Variants in GRIK2 observed in about 807,000 individuals in gnomAD.
The protein encoded by GRIK2 is glutamate receptor ionotropic, kainate 2.
GRIK2 carries 32 observed loss-of-function variants against 100.3 expected under a neutral mutation model. That is an observed-to-expected ratio of 0.32 (90% confidence interval 0.24 to 0.43). The LOEUF (loss-of-function observed/expected upper bound fraction) is 0.43. Ranked by LOEUF, GRIK2 falls within the 20% of genes least tolerant of loss-of-function variation. GRIK2 has a pLI of 1.00. For synonymous variants in GRIK2, 417 were observed against 389.4 expected (o/e 1.07, Z -0.83); for missense variants, 843 against 1,114.9 (o/e 0.76, Z 3.47).
chr6:101,505,050 A>G (rs1773950621), intron 2 of GRIK2, among the ~76,000 whole-genome samples: 1 of 123,780 alleles, frequency 8.1e-6, no homozygotes, highest in African/African-American at 3.2e-5. Flanking sequence ...CTTGTCATTA[A>G]GTTTTTTTTG....
At chr6:101,446,574 A>G (rs936137747) in intron 2 of GRIK2, among the ~76,000 whole-genome samples, 2 of 151,912 alleles carry the variant, frequency 1.3e-5, no homozygotes, top group East Asian at 3.9e-4. Flanking sequence ...GCTTGATTAC[A>G]TCAGATAGTC....
intron 7 of GRIK2, among the ~76,000 whole-genome samples, chr6:101,696,030 A>G (rs186611816): frequency 1.2e-3 from 180 of 152,170 alleles, no homozygotes; most frequent in Non-Finnish European, 2.0e-3. Flanking sequence ...TAGGGGATCA[A>G]TTGTGTGTAT....
intron 15 of GRIK2, among the ~76,000 whole-genome samples, chr6:102,054,999 G>A (rs1247279904): frequency 6.6e-6 from 1 of 152,158 alleles, no homozygotes; most frequent in African/African-American, 2.4e-5. Context: ...ATAAATTGTA[G>A]ATATGAATGA....
intron 9 of GRIK2, among the ~76,000 whole-genome samples, chr6:101,807,068 A>G (rs1302971359): frequency 1.3e-5 from 2 of 151,982 alleles, no homozygotes; most frequent in Admixed American, 6.6e-5. Flanking sequence ...TCTTTATGGA[A>G]ATTATGAGAT....
chr6:101,653,582 C>T (rs1781920703), intron 4 of GRIK2, among the ~76,000 whole-genome samples: 1 of 152,076 alleles, frequency 6.6e-6, no homozygotes, highest in Non-Finnish European at 1.5e-5. Context: ...CTCCTCTTTG[C>T]TGATTTAACT....
Position 101,928,788 on chromosome 6 carries a change from G to A in GRIK2, c.2085+156G>A, listed in dbSNP as rs552564107. ...GGGGTGGAGAGGTGTACAACTGAAC[G>A]TATGCTCATCAAGACCAATCATTTT... On this transcript the variant is annotated intron_variant, in intron 14 of 16. Coordinates refer to ENST00000369134, the MANE Select transcript of GRIK2 (RefSeq NM_021956.5). Among the ~76,000 whole-genome samples, 9 of 152,232 alleles carry A rather than the reference G, an allele frequency of 5.9e-5. No individual in the cohort carries two copies. In the South Asian group the frequency reaches 1.2e-3, roughly 21 times the overall value.
chr6:102,048,257 T>C (rs1272825235), intron 15 of GRIK2, among the ~76,000 whole-genome samples: 1 of 151,910 alleles, frequency 6.6e-6, no homozygotes, highest in Non-Finnish European at 1.5e-5. Flanking sequence ...GTAGAAGTAC[T>C]AGAAGAAAAC....
chr6:101,868,675 T>C (rs1197911218), intron 11 of GRIK2, among the ~76,000 whole-genome samples: 2 of 151,522 alleles, frequency 1.3e-5, no homozygotes, highest in Admixed American at 6.6e-5. Context: ...AAAAGGAAAA[T>C]CATAGCATGA....
chr6:101,548,975 G>C (rs1034025599), intron 2 of GRIK2, among the ~76,000 whole-genome samples: 10 of 152,030 alleles, frequency 6.6e-5, no homozygotes, highest in Admixed American at 3.9e-4. Flanking sequence ...TTGATCTCTT[G>C]GAAGAGGCCA....
intron 14 of GRIK2, among the ~76,000 whole-genome samples, chr6:101,956,297 G>A (rs1791931569): frequency 6.6e-6 from 1 of 152,022 alleles, no homozygotes; most frequent in Admixed American, 6.6e-5. Flanking sequence ...TCTGCAAAAA[G>A]CCACATGAGA....
chr6:101,778,201 A>G (rs1264866789), intron 7 of GRIK2, among the ~76,000 whole-genome samples: 1 of 152,204 alleles, frequency 6.6e-6, no homozygotes, highest in Admixed American at 6.5e-5. Context: ...AGTTTTATTA[A>G]AACTAGAATG....
chr6:101,496,226 C>A (rs951952604), intron 2 of GRIK2, among the ~76,000 whole-genome samples: 1 of 151,920 alleles, frequency 6.6e-6, no homozygotes, highest in Non-Finnish European at 1.5e-5. Flanking sequence ...GGGTTACAGG[C>A]GTGAGCCACC....
At chr6:101,501,942 A>G (rs1773771172) in intron 2 of GRIK2, among the ~76,000 whole-genome samples, 1 of 152,034 alleles carries the variant, frequency 6.6e-6, no homozygotes, top group Non-Finnish European at 1.5e-5. Context: ...TTTTTAGTAG[A>G]GATGAGGTTT....
chr6:101,709,671 A>G (rs531792002), intron 7 of GRIK2, among the ~76,000 whole-genome samples: 6 of 151,878 alleles, frequency 4.0e-5, no homozygotes, highest in Non-Finnish European at 8.8e-5. Context: ...AAGGAAAAGA[A>G]TCTTCCATTA....
At chr6:101,468,999 C>T (rs1771804979) in intron 2 of GRIK2, among the ~76,000 whole-genome samples, 1 of 152,048 alleles carries the variant, frequency 6.6e-6, no homozygotes, top group Non-Finnish European at 1.5e-5. Context: ...CTAGTGAAGA[C>T]ATTGGGACAG....
intron 7 of GRIK2, chr6:101,744,558 A>ATATATATATATATATATC (rs751011648): frequency 3.5e-5 from 4 of 115,022 alleles, no homozygotes; most frequent in African/African-American, 1.5e-4. Flanking sequence ...ATATATATAT[A>ATATATATATATATATATC]TCACAATTTC....
Position 101,971,722 on chromosome 6 carries a change from A to T in GRIK2, c.2085+43090A>T, listed in dbSNP as rs114064889. ...GTATTGAGAATAGTGTCCAATAGGT[A>T]GTTTTTCACCCATTGCCTGTCTCCA... On this transcript the variant is annotated intron_variant, in intron 14 of 16. Coordinates refer to ENST00000369134, the MANE Select transcript of GRIK2 (RefSeq NM_021956.5). Among the ~76,000 whole-genome samples, 803 of 151,966 alleles carry T rather than the reference A, an allele frequency of 5.3e-3. 8 individuals carry two copies. Among genetic ancestry groups the T allele is most frequent in the African/African-American group, 0.019 (768 of 41,510 alleles).
chr6:101,905,720 C>G (rs1184065433), intron 12 of GRIK2, among the ~76,000 whole-genome samples: 1 of 151,278 alleles, frequency 6.6e-6, no homozygotes, highest in African/African-American at 2.4e-5. Context: ...TTCATCCATG[C>G]ATCAATTTAT....
chr6:101,651,224 C>T (rs1430516784), intron 4 of GRIK2, among the ~76,000 whole-genome samples: 3 of 152,118 alleles, frequency 2.0e-5, no homozygotes, highest in African/African-American at 7.2e-5. Flanking sequence ...ATTCTACTCA[C>T]TTATCACTTG....
Sources: allele counts gnomAD v4.1 joint callset (sites outside exome capture counted in the v4.1 genomes callset), GRCh38; gene constraint gnomAD v4.1.1; transcripts MANE v1.5; gene names NCBI Gene and HGNC (gene_info 2026-07-23, HGNC 2026-07-21).